The following DIP2A variants were observed in gnomAD, a reference collection of about 807,000 sequenced individuals.
DIP2A encodes the protein disco-interacting protein 2 homolog A.
Under a neutral mutation model 177.4 loss-of-function variants are expected in DIP2A, and 85 were observed. The ratio of observed to expected loss-of-function variants is 0.48; its 90% confidence interval spans 0.40 to 0.57. DIP2A has a LOEUF of 0.57. DIP2A is among the 20% of genes least tolerant of loss of function. The pLI is 0.00. For missense variants in DIP2A, 1,791 were observed against 2,100.2 expected (o/e 0.85, Z 2.88); for synonymous variants, 886 against 881.8 (o/e 1.00, Z -0.08).
chr21:46,505,509 T>G (rs2057930583), intron 6 of DIP2A, among the ~76,000 whole-genome samples: 1 of 152,178 alleles, frequency 6.6e-6, no homozygotes, highest in Admixed American at 6.5e-5. Context: ...CTCGGGAGAC[T>G]GAGGCAGGAG....
chr21:46,581,651 ATGT>A, the DIP2A span, among the ~76,000 whole-genome samples: 11 of 150,768 alleles, frequency 7.3e-5, no homozygotes, highest in South Asian at 2.1e-4. Flanking sequence ...TTTTTTGTTG[ATGT>A]TGTTGTTGCT....
At chr21:46,484,189 G>A (rs2056539352) in intron 1 of DIP2A, among the ~76,000 whole-genome samples, 1 of 152,132 alleles carries the variant, frequency 6.6e-6, no homozygotes, top group African/African-American at 2.4e-5. Flanking sequence ...GTGCGGATTT[G>A]GATTCTGTCA....
Position 46,554,308 on chromosome 21 carries a change from G to C in DIP2A, c.3154+16G>C, listed in dbSNP as rs773918897. On this transcript the variant is annotated intron_variant, in intron 26 of 37. Coordinates refer to ENST00000417564, the MANE Select transcript of DIP2A (RefSeq NM_015151.4). ...TACCCACCAGGTGGGCTCACTGTGGGGCTGTCCACCTGCAGCTCTTTGTAA... is the reference window on the plus strand; with the variant it reads ...TACCCACCAGGTGGGCTCACTGTGGCGCTGTCCACCTGCAGCTCTTTGTAA... 1.9e-6 allele frequency: 3 copies of C among 1,613,106 alleles called. No individual in the cohort carries two copies. In the South Asian group the frequency reaches 3.3e-5, roughly 18 times the overall value.
intron 35 of DIP2A, among the ~76,000 whole-genome samples, chr21:46,564,281 G>A (rs2060764689): frequency 6.6e-6 from 1 of 152,234 alleles, no homozygotes; most frequent in African/African-American, 2.4e-5. Context: ...CTGGCACCCA[G>A]GCAGGAGCAC....
Position 46,515,181 on chromosome 21 carries a change from A to G in DIP2A, c.1102+3567A>G, listed in dbSNP as rs374719195. Among the ~76,000 whole-genome samples, 6 of 152,246 alleles carry G rather than the reference A, an allele frequency of 3.9e-5. No homozygotes were observed. The East Asian group carries it at 1.2e-3, about 29-fold the overall frequency. On this transcript the variant is annotated intron_variant, in intron 8 of 37. Transcript: ENST00000417564. ...AACTGTTAAACCAGCGTTCAAATCT[A>G]GGTCATGCTATTGGCAGAGCAGTCC...
rs201728465 is a variant in DIP2A at position 46,547,001 on chromosome 21, C to T, written c.2481C>T (p.Thr827=). 455 of 1,613,962 alleles carry T rather than the reference C, an allele frequency of 2.8e-4. No homozygotes were observed. The highest frequency in any genetic ancestry group is 5.8e-4 in the Admixed American group (35 of 60,024). ...RRHNADDVVA[T]ALAVEPMKFV... ...ACAATGCAGATGACGTTGTGGCCAC[C>T]GCACTGGCCGTGGAGCCCATGAAGT... The change falls in exon 21 of 38, where the codon ACC becomes ACT. Residue 827 remains threonine, a synonymous_variant. Transcript: ENST00000417564.
At position 46,537,195 on chromosome 21, in the gene DIP2A, G is replaced by A; in HGVS notation, c.1643-29G>A. ...TAGGGCTTATTGAGAGGGTTGCTCA[G>A]TGGTGTCACCTTCTTTGTCCACTTG... On this transcript the variant is annotated intron_variant, in intron 13 of 37. Transcript: ENST00000417564. The surrounding 1 kb of genome is among the most constrained non-coding windows in gnomAD (Gnocchi z 4.1). 6.2e-7 allele frequency: 1 copy of A among 1,613,378 alleles called. No homozygotes were observed. The highest frequency in any genetic ancestry group is 8.5e-7 in the Non-Finnish European group (1 of 1,179,304).
At chr21:46,524,292 C>G (rs143649064) in intron 8 of DIP2A, among the ~76,000 whole-genome samples, 3 of 152,308 alleles carry the variant, frequency 2.0e-5, no homozygotes, top group East Asian at 3.9e-4. Context: ...CTAACCTTCC[C>G]AAGTTGGGCC....
At chr21:46,547,710 T>G (rs1485846754) in intron 21 of DIP2A, among the ~76,000 whole-genome samples, 2 of 131,706 alleles carry the variant, frequency 1.5e-5, no homozygotes, top group Non-Finnish European at 3.1e-5. Flanking sequence ...CTGTTGCCCA[T>G]CCAGGCTGGA....
In DIP2A at chr21:46,498,607, G is replaced by T. The variant is rs2057483997; in HGVS notation, c.429G>T (p.Glu143Asp). ...PPDTSSASED[E>D]GSLRRPGRLT... ...ACACGTCGTCTGCCTCAGAAGATGA[G>T]GGCTCTTTACGGCGACCCGGGCGAC... Residue 143 changes from glutamate to aspartate, a missense_variant, in exon 5 of 38, where the codon GAG becomes GAT. Transcript: ENST00000417564. The surrounding 1 kb of genome is among the most constrained non-coding windows in gnomAD (Gnocchi z 4.3). The T allele has an allele frequency of 1.2e-6, 2 of 1,611,200 alleles. No homozygotes were observed. The highest frequency in any genetic ancestry group is 1.7e-6 in the Non-Finnish European group (2 of 1,178,258).
At chr21:46,517,190 T>A (rs1284066339) in intron 8 of DIP2A, among the ~76,000 whole-genome samples, 1 of 150,542 alleles carries the variant, frequency 6.6e-6, no homozygotes, top group Non-Finnish European at 1.5e-5. Context: ...GCCTCCTGAG[T>A]AGCTGGGACT....
Position 46,563,213 on chromosome 21 carries a change from C to A in DIP2A, c.4090-645C>A, listed in dbSNP as rs2060726430. On this transcript the variant is annotated intron_variant, in intron 34 of 37. Transcript: ENST00000417564. The surrounding 1 kb of genome is among the most constrained non-coding windows in gnomAD (Gnocchi z 4.3). ...CTCACACCTCCCTGTGGCCCGTCGT[C>A]CCCTCCTCTTGCCTGCCCTGAGCCT... Among the ~76,000 whole-genome samples, 1 of 152,172 alleles carries A rather than the reference C, an allele frequency of 6.6e-6. No homozygotes were observed.
At chr21:46,510,709 C>G (rs1379860268) in intron 7 of DIP2A, among the ~76,000 whole-genome samples, 1 of 147,240 alleles carries the variant, frequency 6.8e-6, no homozygotes, top group Non-Finnish European at 1.5e-5. Context: ...CGAATCACTT[C>G]AAGCTCCACC....
intron 18 of DIP2A, 98 bp downstream of exon 18, chr21:46,541,993 G>T: frequency 6.8e-7 from 1 of 1,464,276 alleles, no homozygotes; most frequent in Non-Finnish European, 9.4e-7. Context: ...TTTGTCACCA[G>T]GCTGGAGTGC....
At chr21:46,533,761 C>A in intron 11 of DIP2A, 114 bp downstream of exon 11, 1 of 1,477,592 alleles carries the variant, frequency 6.8e-7, no homozygotes, top group Non-Finnish European at 9.2e-7. Context: ...CAAAAGTGAT[C>A]CCTTGTTCGA....
chr21:46,538,707 G>T, intron 16 of DIP2A, 105 bp downstream of exon 16: 1 of 1,444,714 alleles, frequency 6.9e-7, no homozygotes, highest in Non-Finnish European at 9.3e-7. Flanking sequence ...CACTGCCATT[G>T]TCATATAGAT....
chr21:46,525,822 T>C (rs2059050325), intron 8 of DIP2A: 2 of 151,366 alleles, frequency 1.3e-5, no homozygotes, highest in South Asian at 4.1e-4. Flanking sequence ...CTACTGAGAT[T>C]ATTAGCATTA....
intron 19 of DIP2A, 108 bp downstream of exon 19, chr21:46,545,381 C>G: frequency 1.5e-6 from 2 of 1,335,860 alleles, no homozygotes; most frequent in South Asian, 1.5e-5. Flanking sequence ...GGGATGGTCT[C>G]CTTCCACACA....
At chr21:46,496,215 A>G (rs185412140) in intron 3 of DIP2A, among the ~76,000 whole-genome samples, 11 of 152,050 alleles carry the variant, frequency 7.2e-5, no homozygotes, top group African/African-American at 2.2e-4. Context: ...TCTTTCATCT[A>G]CATTTGTATC....
Sources: allele counts gnomAD v4.1 joint callset (sites outside exome capture counted in the v4.1 genomes callset), GRCh38; gene constraint gnomAD v4.1.1; non-coding constraint Gnocchi (gnomAD v3.1); transcripts MANE v1.5; gene names NCBI Gene and HGNC (gene_info 2026-07-23, HGNC 2026-07-21).